EPB41L2: variants seen among roughly 807,000 people sequenced by gnomAD.
The protein encoded by EPB41L2 is erythrocyte membrane protein band 4.1 like 2, also known as band 4.1-like protein 2.
In EPB41L2, 43 loss-of-function variants were observed where a neutral mutation model predicts 113.0. The observed-to-expected ratio is 0.38, with a 90% CI of 0.30 to 0.49. EPB41L2 has a LOEUF of 0.49. EPB41L2 is among the 20% of genes least tolerant of loss of function. EPB41L2 has a pLI of 0.95. For synonymous variants in EPB41L2, 442 were observed against 436.7 expected (o/e 1.01, Z -0.15); for missense variants, 1,147 against 1,223.4 (o/e 0.94, Z 0.93).
At chr6:130,946,041 A>C (rs1812692727) in intron 3 of EPB41L2, among the ~76,000 whole-genome samples, 1 of 152,192 alleles carries the variant, frequency 6.6e-6, no homozygotes, top group African/African-American at 2.4e-5. Context: ...TTTCCAAAAA[A>C]ATCAAGTTAT....
intron 17 of EPB41L2, among the ~76,000 whole-genome samples, chr6:130,865,048 T>C (rs912872950): frequency 1.3e-5 from 2 of 152,220 alleles, no homozygotes; most frequent in African/African-American, 4.8e-5. Context: ...GATCCAGGGA[T>C]GACTGGTTAC....
chr6:130,943,258 G>A (rs1005285437), intron 3 of EPB41L2, among the ~76,000 whole-genome samples: 1 of 152,166 alleles, frequency 6.6e-6, no homozygotes, highest in Non-Finnish European at 1.5e-5. Context: ...TCCAGCATCT[G>A]TTGTCTCCTG....
chr6:130,860,710 A>C (rs1781751217), intron 18 of EPB41L2, among the ~76,000 whole-genome samples: 1 of 149,942 alleles, frequency 6.7e-6, no homozygotes, highest in African/African-American at 2.5e-5. Context: ...TTTTTTTTCT[A>C]TTTTTAGTAG....
intron 4 of EPB41L2, among the ~76,000 whole-genome samples, chr6:130,923,846 A>G (rs867503323): frequency 6.6e-6 from 1 of 152,260 alleles, no homozygotes; most frequent in Non-Finnish European, 1.5e-5. Context: ...AAAACACATA[A>G]CATAAAATTT....
At chr6:130,901,918 G>A (rs888041711) in intron 6 of EPB41L2, among the ~76,000 whole-genome samples, 2 of 152,200 alleles carry the variant, frequency 1.3e-5, no homozygotes, top group Admixed American at 1.3e-4. Context: ...ATAATTAGTG[G>A]CTATAATGTT....
intron 12 of EPB41L2, chr6:130,882,309 G>A (rs1209320681): frequency 6.6e-6 from 1 of 152,142 alleles, no homozygotes; most frequent in Non-Finnish European, 1.5e-5. Flanking sequence ...TAGAATGTGT[G>A]GAACTGGTCA....
chr6:130,929,538 T>C (rs1805979015), intron 3 of EPB41L2, among the ~76,000 whole-genome samples: 1 of 152,200 alleles, frequency 6.6e-6, no homozygotes, highest in Admixed American at 6.5e-5. Flanking sequence ...GCACTCAATC[T>C]TTATTGACCC....
intron 11 of EPB41L2, among the ~76,000 whole-genome samples, chr6:130,888,845 A>G (rs893806099): frequency 2.6e-5 from 4 of 152,218 alleles, no homozygotes; most frequent in African/African-American, 9.6e-5. Context: ...TGTTTAAAGC[A>G]CAGTTCACCA....
At chr6:131,008,865 G>A (rs891841119) in intron 1 of EPB41L2, among the ~76,000 whole-genome samples, 1 of 152,208 alleles carries the variant, frequency 6.6e-6, no homozygotes, top group Non-Finnish European at 1.5e-5. Flanking sequence ...CCCAATGCCT[G>A]TACCCCCATT....
chr6:130,980,439 AC>A (rs1402479311), intron 1 of EPB41L2, among the ~76,000 whole-genome samples: 3 of 152,126 alleles, frequency 2.0e-5, no homozygotes, highest in African/African-American at 7.2e-5. Context: ...GATCAAAACC[AC>A]AGAGAAGAGT....
chr6:130,890,816 A>G (rs538509022), intron 10 of EPB41L2, among the ~76,000 whole-genome samples: 1 of 152,346 alleles, frequency 6.6e-6, no homozygotes, highest in Admixed American at 6.5e-5. Flanking sequence ...GCGCCAAGTA[A>G]CAATCCATTA....
intron 1 of EPB41L2, among the ~76,000 whole-genome samples, chr6:130,960,226 A>G (rs1369068768): frequency 6.6e-6 from 1 of 152,226 alleles, no homozygotes. Flanking sequence ...TGACCTACTC[A>G]ACCACAGAGT....
chr6:130,930,595 G>C (rs1806493285), intron 3 of EPB41L2, among the ~76,000 whole-genome samples: 1 of 152,090 alleles, frequency 6.6e-6, no homozygotes, highest in African/African-American at 2.4e-5. Flanking sequence ...ACATCTGTTT[G>C]ATTCAAAAAT....
chr6:130,933,895 A>G (rs148309555), intron 3 of EPB41L2, among the ~76,000 whole-genome samples: 104 of 152,306 alleles, frequency 6.8e-4, no homozygotes, highest in African/African-American at 2.4e-3. Context: ...TTTTATAAAC[A>G]CCATCACTGT....
At chr6:131,020,087 T>C (rs1789100997) in intron 1 of EPB41L2, among the ~76,000 whole-genome samples, 1 of 152,134 alleles carries the variant, frequency 6.6e-6, no homozygotes. Context: ...AGTATTAACA[T>C]AGATGTATAT....
intron 17 of EPB41L2, among the ~76,000 whole-genome samples, chr6:130,864,445 C>T (rs184955446): frequency 1.0e-3 from 156 of 152,278 alleles, no homozygotes; most frequent in Non-Finnish European, 1.2e-3. Flanking sequence ...ACAAAGGCTG[C>T]GAGCGGGGCT....
At chr6:131,008,989 T>C (rs974087785) in intron 1 of EPB41L2, among the ~76,000 whole-genome samples, 9 of 152,142 alleles carry the variant, frequency 5.9e-5, no homozygotes, top group Non-Finnish European at 1.5e-5. Context: ...CTGGAATGAG[T>C]TAAGACTTTG....
chr6:131,019,131 T>C (rs1429511994), intron 1 of EPB41L2, among the ~76,000 whole-genome samples: 3 of 152,344 alleles, frequency 2.0e-5, no homozygotes, highest in Non-Finnish European at 2.9e-5. Flanking sequence ...TATCAAGCAT[T>C]CCCATTTGTG....
intron 1 of EPB41L2, among the ~76,000 whole-genome samples, chr6:131,057,730 T>G (rs974323330): frequency 6.6e-6 from 1 of 152,188 alleles, no homozygotes; most frequent in Non-Finnish European, 1.5e-5. Context: ...TTTTAAGTAT[T>G]TGAAAATTCT....
Sources: gnomAD v4.1 joint callset for allele counts (sites outside exome capture counted in the v4.1 genomes callset) on GRCh38, gnomAD v4.1.1 for gene constraint, MANE v1.5 for transcripts, NCBI Gene and HGNC (gene_info 2026-07-23, HGNC 2026-07-21) for gene names.